Variants in EDRF1 observed in about 807,000 individuals in gnomAD.
The protein encoded by EDRF1 is erythroid differentiation-related factor 1.
EDRF1 carries 69 observed loss-of-function variants against 148.7 expected under a neutral mutation model. That is an observed-to-expected ratio of 0.46 (90% CI 0.38 to 0.57). The LOEUF is 0.57. Among genes scored for constraint, EDRF1 ranks in the 20% least tolerant of loss-of-function variants. The pLI is 0.00. For missense variants in EDRF1, 1,118 were observed against 1,478.7 expected (o/e 0.76, Z 4.00); for synonymous variants, 515 against 532.8 (o/e 0.97, Z 0.46).
intron 3 of EDRF1, 93 bp downstream of exon 3, chr10:125,723,227 G>A (rs1848089823): frequency 8.9e-7 from 1 of 1,118,764 alleles, no homozygotes; most frequent in African/African-American, 1.5e-5. Flanking sequence ...AAATGTGCAA[G>A]TCTTGAGAAA....
rs763170586 is a variant in EDRF1, at chr10:125,725,449, G to T, written c.635+7G>T. ...CCAAGTTTTTATATTACAGGTACTTGGCTACTTATTTATCTCTAAAGAGAA... is the reference window on the plus strand; with the variant it reads ...CCAAGTTTTTATATTACAGGTACTTTGCTACTTATTTATCTCTAAAGAGAA... On this transcript the variant is annotated splice_region_variant and intron_variant, in intron 5 of 24. Transcript: ENST00000356792. 5.0e-6 allele frequency: 8 copies of T among 1,613,794 alleles called. No homozygotes were observed. The highest frequency in any genetic ancestry group is 6.8e-6 in the Non-Finnish European group (8 of 1,179,854).
At chr10:125,760,746 G>C (rs1850156238) in intron 24 of EDRF1, among the ~76,000 whole-genome samples, 1 of 152,110 alleles carries the variant, frequency 6.6e-6, no homozygotes, top group Admixed American at 6.5e-5. Context: ...CTAAAAGAAA[G>C]AAAATGCAAT....
In EDRF1 at chr10:125,747,899, C is replaced by T. The variant is rs1849444604; in HGVS notation, c.3010C>T (p.Leu1004=). The T allele has an allele frequency of 6.2e-7, 1 of 1,614,156 alleles. No individual in the cohort carries two copies. The change falls in exon 21 of 25, where the codon CTA becomes TTA. Residue 1004 remains leucine, a synonymous_variant. Transcript: ENST00000356792. ...AGTCAGTGAGGCCATGATGAAGTCC[C>T]TAAAATACTGCGATGTGGATTCAGT... ...KEVSEAMMKS[L]KYCDVDSVSA...
intron 13 of EDRF1, among the ~76,000 whole-genome samples, chr10:125,737,280 CA>C (rs1848788813): frequency 6.6e-6 from 1 of 152,130 alleles, no homozygotes; most frequent in Non-Finnish European, 1.5e-5. Flanking sequence ...CTGAAGCACT[CA>C]AAAAATGCAG....
rs1170216730 is a variant in EDRF1, at chr10:125,745,927, TAAG to T, written c.2812_2814del (p.Lys938del). 8.7e-6 allele frequency: 14 copies of T among 1,614,072 alleles called. No individual in the cohort carries two copies. Among genetic ancestry groups the T allele is most frequent in the Non-Finnish European group, 1.0e-5 (12 of 1,179,970 alleles). On this transcript the variant is annotated inframe_deletion and splice_region_variant, in exon 19 of 25. Coordinates refer to ENST00000356792, the MANE Select transcript of EDRF1 (RefSeq NM_001202438.2). ...CACCAGAAGAAGGCTTGTATTATAA[TAAG>T]GTAACACATTCGCGTACATGTTGGG... is the stretch of plus-strand genomic sequence containing the variant.
chr10:125,742,210 G>A, intron 17 of EDRF1: 4 of 1,288,750 alleles, frequency 3.1e-6, no homozygotes, highest in Non-Finnish European at 3.0e-6. Flanking sequence ...ACTCTGTTTG[G>A]AATTGTCAGG....
chr10:125,728,650 C>T (rs1168273433), intron 6 of EDRF1, among the ~76,000 whole-genome samples: 1 of 152,056 alleles, frequency 6.6e-6, no homozygotes, highest in African/African-American at 2.4e-5. Flanking sequence ...TGCCATCGTG[C>T]CTGGCCAGTT....
At chr10:125,761,209 T>A (rs187201116) in intron 24 of EDRF1, 115 of 397,508 alleles carry the variant, frequency 2.9e-4, no homozygotes, top group Middle Eastern at 1.4e-3. Context: ...TTAAAAAAAA[T>A]TTTTGTTTTC....
At chr10:125,731,773 A>G in intron 9 of EDRF1, 1 of 355,742 alleles carries the variant, frequency 2.8e-6, no homozygotes, top group Non-Finnish European at 6.0e-6. Context: ...AGAATCAACA[A>G]TGGTAAGAAT....
At chr10:125,741,293 T>C in intron 17 of EDRF1, 92 bp downstream of exon 17, 1 of 1,141,398 alleles carries the variant, frequency 8.8e-7, no homozygotes, top group Non-Finnish European at 1.3e-6. Context: ...GTAGAAATAT[T>C]AGAGTTTTGA....
In EDRF1 at chr10:125,741,079, A is replaced by T. The variant is rs1848995210; in HGVS notation, c.2249A>T (p.Asp750Val). ...FLSQYLTLCG[D>V]IQLMLAQNAN... is the part of the protein sequence containing the mutation. ...TCTCAATATTTGACACTTTGTGGTG[A>T]TATCCAACTAATGCTGGCCCAGAAT... The change falls in exon 17 of 25, where the codon GAT (aspartate) becomes GTT (valine). Residue 750 changes from aspartate (D) to valine (V), a missense_variant. Coordinates refer to ENST00000356792, the MANE Select transcript of EDRF1 (RefSeq NM_001202438.2). The T allele has an allele frequency of 1.2e-6, 2 of 1,614,022 alleles. No homozygotes were observed. The highest frequency in any genetic ancestry group is 1.7e-6 in the Non-Finnish European group (2 of 1,180,048).
chr10:125,732,885 C>A lies in EDRF1; in HGVS notation c.1129-519C>A, dbSNP rs577210575. On this transcript the variant is annotated intron_variant, in intron 9 of 24. Coordinates refer to ENST00000356792, the MANE Select transcript of EDRF1 (RefSeq NM_001202438.2). ...ACTCTTATTGCCACCTCCATTCCCC[C>A]CTGCTCCATCCCTGTGAAGTAATAA... 1.4e-3 allele frequency among the ~76,000 whole-genome samples: 213 copies of A among 152,204 alleles called. 1 individual carries two copies. The highest frequency in any genetic ancestry group is 5.0e-3 in the African/African-American group (206 of 41,534).
chr10:125,729,176 T>C (rs1440762136), intron 7 of EDRF1, 72 bp downstream of exon 7: 3 of 1,486,046 alleles, frequency 2.0e-6, no homozygotes, highest in Non-Finnish European at 2.7e-6. Context: ...CTAGCCTAAG[T>C]CGAAATTGAT....
Position 125,735,655 on chromosome 10 carries a change from C to A in EDRF1, c.1509C>A (p.Ser503=), listed in dbSNP as rs368799535. Residue 503 remains serine (S), a synonymous_variant, in exon 13 of 25, where the codon TCC becomes TCA. Transcript: ENST00000356792. ...CTCTTTTTCATAAGATTATTGCTTC[C>A]GCCAATTACATGCTTTCAGAACTTT... ...DKSRHPQIIA[S]ANYMLSELFQ... is the part of the protein sequence containing the mutation. The A allele has an allele frequency of 1.2e-6, 2 of 1,612,554 alleles. No homozygotes were observed. The highest frequency in any genetic ancestry group is 2.7e-5 in the African/African-American group (2 of 74,948).
rs183714858 is a variant in EDRF1, at chr10:125,754,890, G to T, written c.3545+1045G>T. ...TAATCTTAGGGTACAGATCATTTTTGTCTGTTTATTTTTTTATGTTACATA... is the reference window on the plus strand; with the variant it reads ...TAATCTTAGGGTACAGATCATTTTTTTCTGTTTATTTTTTTATGTTACATA... On this transcript the variant is annotated intron_variant, in intron 24 of 24. Transcript: ENST00000356792. 4.6e-4 allele frequency among the ~76,000 whole-genome samples: 70 copies of T among 152,208 alleles called. 1 individual carries two copies. Among genetic ancestry groups the T allele is most frequent in the African/African-American group, 1.7e-3 (69 of 41,542 alleles).
At chr10:125,724,382 G>T (rs1057089542) in intron 4 of EDRF1, among the ~76,000 whole-genome samples, 1 of 152,140 alleles carries the variant, frequency 6.6e-6, no homozygotes, top group Non-Finnish European at 1.5e-5. Context: ...TGCATATACC[G>T]GTGGTCCCAT....
intron 15 of EDRF1, 67 bp from the exon 16 acceptor site, chr10:125,740,396 A>AT: frequency 6.6e-7 from 1 of 1,523,666 alleles, no homozygotes; most frequent in Non-Finnish European, 9.0e-7. Flanking sequence ...AACAGAAAAT[A>AT]TTTTTTGTGC....
chr10:125,757,049 G>A (rs960038183), intron 24 of EDRF1: 8 of 435,700 alleles, frequency 1.8e-5, no homozygotes, highest in Non-Finnish European at 3.6e-5. Flanking sequence ...CCTGGGTCAA[G>A]CAGTCCACCT....
chr10:125,728,816 T>C (rs12412420), intron 6 of EDRF1, among the ~76,000 whole-genome samples, 187 bp from the exon 7 acceptor site: 1,949 of 152,352 alleles, frequency 0.013, 42 homozygotes, highest in East Asian at 0.09. Flanking sequence ...TCGCTTCTTA[T>C]AGTAGCTATG....
Sources: allele counts gnomAD v4.1 joint callset (sites outside exome capture counted in the v4.1 genomes callset), GRCh38; gene constraint gnomAD v4.1.1; transcripts MANE v1.5; gene names NCBI Gene and HGNC (gene_info 2026-07-23, HGNC 2026-07-21).